DNAAF11: variants seen among roughly 807,000 people sequenced by gnomAD.
DNAAF11 encodes the protein dynein axonemal assembly factor 11, also known as leucine rich repeat containing 6.
Under a neutral mutation model 60.8 loss-of-function variants are expected in DNAAF11, and 45 were observed. The observed-to-expected ratio is 0.74, with a 90% CI of 0.58 to 0.95. The LOEUF (loss-of-function observed/expected upper bound fraction) is 0.95. Ranked by LOEUF, DNAAF11 falls within the 40% of genes least tolerant of loss-of-function variation. The pLI is 0.00. For missense variants in DNAAF11, 546 were observed against 546.2 expected (o/e 1.00, Z 0.00); for synonymous variants, 191 against 183.5 (o/e 1.04, Z -0.33).
At chr8:132,608,580 CT>C in intron 10 of DNAAF11, 1 of 401,826 alleles carries the variant, frequency 2.5e-6, no homozygotes, top group Admixed American at 2.6e-5. Context: ...AATCATCTGT[CT>C]TGATTTCCCT....
chr8:132,656,837 G>C lies in DNAAF11; in HGVS notation c.249C>G (p.Asn83Lys), dbSNP rs1298988801. 6 of 1,308,346 alleles carry C rather than the reference G, an allele frequency of 4.6e-6. No homozygotes were observed. Among genetic ancestry groups the C allele is most frequent in the Non-Finnish European group, 6.5e-6 (6 of 926,670 alleles). The allele number at this position is 1,308,346 out of a possible 1,614,324, so 81.0% of individuals were successfully genotyped here. The change falls in exon 3 of 12, where the codon AAC becomes AAG. Residue 83 changes from asparagine to lysine, a missense_variant. By Grantham distance (94) the Asn-to-Lys change is moderately conservative (BLOSUM62 0). Transcript: ENST00000620350. Reference protein sequence around the residue: ...LALNNIEKIENLEGCEELAKL... With the variant: ...LALNNIEKIEKLEGCEELAKL... The stretch of plus-strand genomic sequence containing the variant: ...TAGAAGAAACAGTCTTACCTTCCAA[G>C]TTTTCTATTTTTTCAATGTTGTTTA...
intron 7 of DNAAF11, among the ~76,000 whole-genome samples, chr8:132,617,132 C>T (rs1348776263): frequency 6.6e-6 from 1 of 152,090 alleles, no homozygotes; most frequent in African/African-American, 2.4e-5. Flanking sequence ...ACTATATATT[C>T]TTAACAACAT....
intron 1 of DNAAF11, chr8:132,675,242 C>T: frequency 2.3e-6 from 1 of 441,620 alleles, no homozygotes; most frequent in East Asian, 3.5e-5. Context: ...CCTCCCCTTC[C>T]CACGGCCCCG....
Position 132,655,614 on chromosome 8 carries a change from G to A in DNAAF11, c.256+1216C>T, listed in dbSNP as rs570645757. Among the ~76,000 whole-genome samples, 8 of 152,180 alleles carry A rather than the reference G, an allele frequency of 5.3e-5. No homozygotes were observed. The East Asian group carries it at 1.5e-3, about 29-fold the overall frequency. ...TATAAAGAACACTTGCAACTTAACA[G>A]TAAAAAGACAAATAATATAACTAAT... On this transcript the variant is annotated intron_variant, in intron 3 of 11. Coordinates refer to ENST00000620350, the MANE Select transcript of DNAAF11 (RefSeq NM_012472.6).
At chr8:132,667,022 T>G (rs1824703212) in intron 1 of DNAAF11, among the ~76,000 whole-genome samples, 1 of 152,172 alleles carries the variant, frequency 6.6e-6, no homozygotes, top group South Asian at 2.1e-4. Context: ...TATGCGGCAT[T>G]CATTATGGCT....
chr8:132,695,140 T>C, the DNAAF11 span, among the ~76,000 whole-genome samples: 27 of 152,092 alleles, frequency 1.8e-4, no homozygotes, highest in Admixed American at 7.2e-4. Context: ...CAAATCCTAA[T>C]TGGGGTGGGT....
At chr8:132,584,472 G>A (rs1015552828) in intron 10 of DNAAF11, among the ~76,000 whole-genome samples, 2 of 152,168 alleles carry the variant, frequency 1.3e-5, no homozygotes, top group South Asian at 4.2e-4. Flanking sequence ...CTACGTGCTA[G>A]GCACACACCT....
intron 5 of DNAAF11, among the ~76,000 whole-genome samples, chr8:132,632,017 T>TA (rs1820852889): frequency 6.7e-6 from 1 of 149,354 alleles, no homozygotes; most frequent in Non-Finnish European, 1.5e-5. Context: ...AAGTATAATT[T>TA]AAAAAAAAGT....
chr8:132,609,137 C>A (rs2129928421), intron 10 of DNAAF11, among the ~76,000 whole-genome samples: 1 of 152,134 alleles, frequency 6.6e-6, no homozygotes, highest in South Asian at 2.1e-4. Flanking sequence ...TAATAGAAAC[C>A]AATCAAAATA....
chr8:132,617,631 T>G (rs1003100760), intron 7 of DNAAF11, among the ~76,000 whole-genome samples: 3 of 152,210 alleles, frequency 2.0e-5, no homozygotes, highest in African/African-American at 7.2e-5. Context: ...TCTTGCCTAG[T>G]TGCCCTGGCC....
chr8:132,612,572 C>T, intron 8 of DNAAF11, among the ~76,000 whole-genome samples: 1 of 152,160 alleles, frequency 6.6e-6, no homozygotes, highest in Non-Finnish European at 1.5e-5. Flanking sequence ...CTGTCCCTCT[C>T]CTTGACAGCA....
chr8:132,587,167 G>A (rs13282467), intron 10 of DNAAF11, among the ~76,000 whole-genome samples: 2,328 of 152,194 alleles, frequency 0.015, 34 homozygotes, highest in South Asian at 0.051. Context: ...CAAAGACTCT[G>A]TGTTTATGGA....
At chr8:132,696,048 G>A in the DNAAF11 span, among the ~76,000 whole-genome samples, 27 of 152,176 alleles carry the variant, frequency 1.8e-4, 1 homozygote, top group Admixed American at 1.8e-3. Flanking sequence ...GATATTGATG[G>A]CATGGGGGAG....
In DNAAF11 at chr8:132,583,724, G is replaced by A. The variant is rs755477836; in HGVS notation, c.1196C>T (p.Ser399Leu). 17 of 1,613,686 alleles carry A rather than the reference G, an allele frequency of 1.1e-5. 1 individual carries two copies. The highest frequency in any genetic ancestry group is 5.3e-5 in the African/African-American group (4 of 74,876). The change falls in exon 11 of 12, where the codon TCG becomes TTG. Residue 399 changes from serine (S) to leucine (L), a missense_variant. By Grantham distance (145) the Ser-to-Leu change is moderately radical (BLOSUM62 -2). Coordinates refer to ENST00000620350, the MANE Select transcript of DNAAF11 (RefSeq NM_012472.6). ...ATTTGTTTGTTCTCTGCTCCTGTCCGAGGTAGTTTTCATAGATTTGAATGC... is the reference window on the plus strand; with the variant it reads ...ATTTGTTTGTTCTCTGCTCCTGTCCAAGGTAGTTTTCATAGATTTGAATGC... Reference protein sequence around the residue: ...QRAFKSMKTTSDRSREQTNTR... With the variant: ...QRAFKSMKTTLDRSREQTNTR...
chr8:132,591,373 GT>G, intron 10 of DNAAF11, among the ~76,000 whole-genome samples: 1 of 151,734 alleles, frequency 6.6e-6, no homozygotes, highest in South Asian at 2.1e-4. Flanking sequence ...TTTGGATTCT[GT>G]CCTGTAAATA....
intron 1 of DNAAF11, among the ~76,000 whole-genome samples, chr8:132,666,517 A>C (rs1375266537): frequency 6.6e-6 from 1 of 152,218 alleles, no homozygotes; most frequent in African/African-American, 2.4e-5. Context: ...CAGTGACAAC[A>C]GTGCAGGATG....
chr8:132,593,286 A>G (rs2131090879), intron 10 of DNAAF11, among the ~76,000 whole-genome samples: 1 of 147,860 alleles, frequency 6.8e-6, no homozygotes, highest in Non-Finnish European at 1.5e-5. Context: ...GTATGATAGA[A>G]GTTTCTGACA....
intron 3 of DNAAF11, among the ~76,000 whole-genome samples, chr8:132,642,469 C>A (rs1821955458): frequency 6.6e-6 from 1 of 152,202 alleles, no homozygotes; most frequent in African/African-American, 2.4e-5. Flanking sequence ...GACTGTGGAA[C>A]CAGTGAAGCT....
the DNAAF11 span, among the ~76,000 whole-genome samples, chr8:132,698,048 G>T: frequency 6.6e-6 from 1 of 152,180 alleles, no homozygotes; most frequent in Admixed American, 6.5e-5. Context: ...TCCTGGACTT[G>T]GAGGCAGACC....
Sources: allele counts gnomAD v4.1 joint callset (sites outside exome capture counted in the v4.1 genomes callset), GRCh38; gene constraint gnomAD v4.1.1; transcripts MANE v1.5; gene names NCBI Gene and HGNC (gene_info 2026-07-23, HGNC 2026-07-21).